ARHGAP29: variants seen among roughly 807,000 people sequenced by gnomAD.
ARHGAP29 encodes the protein rho GTPase-activating protein 29.
ARHGAP29 carries 43 observed loss-of-function variants against 122.6 expected under a neutral mutation model. The observed-to-expected ratio is 0.35, with a 90% confidence interval of 0.27 to 0.45. ARHGAP29 has a LOEUF of 0.45. Ranked by LOEUF, ARHGAP29 falls within the 20% of genes least tolerant of loss-of-function variation. The pLI, the probability that ARHGAP29 is intolerant of heterozygous loss-of-function variation, is 1.00. For synonymous variants in ARHGAP29, 506 were observed against 497.1 expected, an observed-to-expected ratio of 1.02 and a Z score of -0.24; for missense variants, 1,303 against 1,477.2, an observed-to-expected ratio of 0.88 and a Z score of 1.93.
intron 6 of ARHGAP29, 58 bp from the exon 7 acceptor site, chr1:94,205,256 A>C: frequency 7.5e-7 from 1 of 1,333,864 alleles, no homozygotes; most frequent in Non-Finnish European, 9.9e-7. Context: ...CATAACTCCA[A>C]ACAAAGAAGC....
Position 94,171,420 on chromosome 1 carries a change from G to A in ARHGAP29, c.*2449C>T, listed in dbSNP as rs188636372. ...GAAATGACTTCTTCTGAGTCGTTTG[G>A]ACAATACGCATCATCTTGGACAATA... On this transcript the variant is annotated 3_prime_UTR_variant, in exon 23 of 23. Transcript: ENST00000260526. Among the ~76,000 whole-genome samples the A allele has an allele frequency of 1.3e-4, 20 of 152,276 alleles. No individual in the cohort carries two copies. Among genetic ancestry groups the A allele is most frequent in the Admixed American group, 1.3e-3 (20 of 15,290 alleles).
intron 3 of ARHGAP29, among the ~76,000 whole-genome samples, chr1:94,213,443 A>T (rs1651778870): frequency 1.3e-5 from 2 of 152,294 alleles, no homozygotes; most frequent in South Asian, 4.2e-4. Context: ...CGGCCTGCCA[A>T]AGTGCTGGGA....
Position 94,170,091 on chromosome 1 carries a change from A to G in ARHGAP29, c.*3778T>C, listed in dbSNP as rs1300737863. ...TTCAGTCAAGAATTGTCAATAGACT[A>G]GCCCGTGACAATTCGATGAGAAACA... On this transcript the variant is annotated 3_prime_UTR_variant, in exon 23 of 23. Transcript: ENST00000260526. Among the ~76,000 whole-genome samples, 3 of 152,256 alleles carry G rather than the reference A, an allele frequency of 2.0e-5. No homozygotes were observed. The highest frequency in any genetic ancestry group is 4.1e-4 in the South Asian group (2 of 4,832).
chr1:94,210,174 G>A (rs1651495295), intron 3 of ARHGAP29, among the ~76,000 whole-genome samples: 1 of 152,162 alleles, frequency 6.6e-6, no homozygotes, highest in African/African-American at 2.4e-5. Context: ...TACTTGGGCT[G>A]GGTATAAAGA....
chr1:94,186,968 TTAA>T (rs1164634058), intron 15 of ARHGAP29, among the ~76,000 whole-genome samples: 1 of 152,224 alleles, frequency 6.6e-6, no homozygotes, highest in Non-Finnish European at 1.5e-5. Context: ...AAAGTTGTCA[TTAA>T]TGTTTGCTGA....
intron 12 of ARHGAP29, chr1:94,195,125 T>C (rs995036973): frequency 3.3e-5 from 5 of 152,208 alleles, no homozygotes; most frequent in Non-Finnish European, 7.3e-5. Flanking sequence ...AACTGCTATA[T>C]TCTCTTGAAA....
chr1:94,288,015 C>T, the ARHGAP29 span, among the ~76,000 whole-genome samples: 1 of 152,146 alleles, frequency 6.6e-6, no homozygotes, highest in African/African-American at 2.4e-5. Context: ...TGGGTATATA[C>T]CCAGTAATGG....
intron 2 of ARHGAP29, among the ~76,000 whole-genome samples, chr1:94,223,296 G>T (rs532226661): frequency 4.6e-5 from 7 of 152,208 alleles, no homozygotes; most frequent in African/African-American, 1.7e-4. Flanking sequence ...TTACTTAGTT[G>T]AGGCAATACA....
the ARHGAP29 span, among the ~76,000 whole-genome samples, chr1:94,281,886 C>T: frequency 6.6e-6 from 1 of 152,178 alleles, no homozygotes; most frequent in East Asian, 1.9e-4. Context: ...TTATGATGGA[C>T]ATGCAATCAC....
chr1:94,169,213 G>A lies in ARHGAP29; in HGVS notation c.*4656C>T, dbSNP rs1257289350. Among the ~76,000 whole-genome samples the A allele has an allele frequency of 1.3e-5, 2 of 152,170 alleles. No homozygotes were observed. The highest frequency in any genetic ancestry group is 2.4e-5 in the African/African-American group (1 of 41,436). On this transcript the variant is annotated 3_prime_UTR_variant, in exon 23 of 23. Transcript: ENST00000260526. ...CTCATTATCAAAAGGTTGTGAATTT[G>A]TCTCTCTTCCAGCCAGATGACAGGA...
At chr1:94,267,541 G>C (rs1687922) in intron 1 of ARHGAP29, among the ~76,000 whole-genome samples, 3,646 of 152,198 alleles carry the variant, frequency 0.024, 166 homozygotes, top group African/African-American at 0.084. Flanking sequence ...CTAATAGTCA[G>C]TGCCTCCCAA....
chr1:94,261,992 A>G (rs558460085), intron 1 of ARHGAP29, among the ~76,000 whole-genome samples: 29 of 152,276 alleles, frequency 1.9e-4, no homozygotes, highest in African/African-American at 6.7e-4. Flanking sequence ...CACACTAGCC[A>G]ACTTCAAACT....
At chr1:94,269,237 C>G (rs908146988) in intron 1 of ARHGAP29, among the ~76,000 whole-genome samples, 12 of 152,160 alleles carry the variant, frequency 7.9e-5, no homozygotes, top group African/African-American at 2.9e-4. Flanking sequence ...AACTTATTCA[C>G]GTCCCATTAT....
At chr1:94,262,121 T>C (rs1654582027) in intron 1 of ARHGAP29, among the ~76,000 whole-genome samples, 1 of 152,166 alleles carries the variant, frequency 6.6e-6, no homozygotes, top group South Asian at 2.1e-4. Flanking sequence ...CATCTGATCT[T>C]TGACAAAGCA....
At chr1:94,186,258 A>G (rs1649794778) in intron 16 of ARHGAP29, among the ~76,000 whole-genome samples, 1 of 152,210 alleles carries the variant, frequency 6.6e-6, no homozygotes, top group African/African-American at 2.4e-5. Flanking sequence ...CACCATGCCA[A>G]TACATTTTAC....
intron 1 of ARHGAP29, among the ~76,000 whole-genome samples, chr1:94,272,158 G>A (rs912947832): frequency 6.6e-6 from 1 of 152,166 alleles, no homozygotes; most frequent in African/African-American, 2.4e-5. Context: ...TAACCACCAG[G>A]AGAGCCACCA....
intron 2 of ARHGAP29, among the ~76,000 whole-genome samples, chr1:94,228,844 A>G (rs1183391680): frequency 1.3e-5 from 2 of 152,000 alleles, no homozygotes; most frequent in African/African-American, 2.4e-5. Flanking sequence ...GTGACTGCAC[A>G]TTAGTGCTTC....
upstream of ARHGAP29, among the ~76,000 whole-genome samples, chr1:94,238,053 ATTTTTTTTTTTT>A (rs71717670): frequency 2.0e-4 from 12 of 61,054 alleles, no homozygotes; most frequent in Middle Eastern, 0.012. Context: ...GCCTATCTGT[ATTTTTTTTTTTT>A]TTTTTTTTTT....
chr1:94,190,251 T>A (rs1650056801), intron 12 of ARHGAP29, 168 bp from the exon 13 acceptor site: 7 of 628,392 alleles, frequency 1.1e-5, no homozygotes, highest in Non-Finnish European at 4.9e-6. Context: ...AAGTCTAGAT[T>A]AGGGAGAAAA....
Sources: gnomAD v4.1 joint callset for allele counts (sites outside exome capture counted in the v4.1 genomes callset) on GRCh38, gnomAD v4.1.1 for gene constraint, MANE v1.5 for transcripts, NCBI Gene and HGNC (gene_info 2026-07-23, HGNC 2026-07-21) for gene names.